TGFBR2: variants seen among roughly 807,000 people sequenced by gnomAD.
TGFBR2 encodes TGF-beta receptor type-2.
Under a neutral mutation model 49.0 loss-of-function variants are expected in TGFBR2, and 18 were observed. That is an observed-to-expected ratio of 0.37 (90% CI 0.25 to 0.54). The LOEUF is 0.54. Among genes scored for constraint, TGFBR2 ranks in the 20% least tolerant of loss-of-function variants. The pLI is 0.85. For missense variants in TGFBR2, 525 were observed against 722.6 expected (o/e 0.73, Z 3.13); for synonymous variants, 282 against 275.9 (o/e 1.02, Z -0.22).
At chr3:30,671,562 A>G in intron 3 of TGFBR2, 76 bp from the exon 4 acceptor site, 8 of 1,427,148 alleles carry the variant, frequency 5.6e-6, no homozygotes, top group Non-Finnish European at 7.9e-6. Flanking sequence ...ATAGATGCTC[A>G]GGCATGAACC....
At chr3:30,661,142 T>A (rs1699118913) in intron 3 of TGFBR2, among the ~76,000 whole-genome samples, 1 of 152,158 alleles carries the variant, frequency 6.6e-6, no homozygotes, top group African/African-American at 2.4e-5. Context: ...CAAGGTGTAA[T>A]TCAGACAGCC....
intron 1 of TGFBR2, among the ~76,000 whole-genome samples, chr3:30,621,817 G>T (rs1205335985): frequency 6.6e-6 from 1 of 152,172 alleles, no homozygotes. Context: ...GTTGTTATCA[G>T]TTTATTACTG....
At chr3:30,636,649 A>G (rs953043928) in intron 1 of TGFBR2, among the ~76,000 whole-genome samples, 1 of 152,176 alleles carries the variant, frequency 6.6e-6, no homozygotes, top group African/African-American at 2.4e-5. Context: ...TTTTCCTTTT[A>G]CAGGGCCAAA....
chr3:30,646,037 ATGTTT>A (rs1414126256), intron 2 of TGFBR2, among the ~76,000 whole-genome samples: 1 of 152,320 alleles, frequency 6.6e-6, no homozygotes, highest in African/African-American at 2.4e-5. Context: ...ACTTATTCTG[ATGTTT>A]TTAATTTATT....
chr3:30,679,892 C>T (rs530745402), intron 5 of TGFBR2, among the ~76,000 whole-genome samples: 3 of 152,284 alleles, frequency 2.0e-5, no homozygotes, highest in African/African-American at 7.2e-5. Context: ...CTTTGGGATG[C>T]TGAGGAAGGC....
chr3:30,659,946 C>A (rs999031768), intron 3 of TGFBR2, among the ~76,000 whole-genome samples: 1 of 152,010 alleles, frequency 6.6e-6, no homozygotes, highest in African/African-American at 2.4e-5. Flanking sequence ...TTTCCACCCA[C>A]GTATACTCCA....
At chr3:30,616,269 A>G (rs2125447559) in intron 1 of TGFBR2, among the ~76,000 whole-genome samples, 1 of 152,300 alleles carries the variant, frequency 6.6e-6, no homozygotes, top group South Asian at 2.1e-4. Flanking sequence ...AGAGACTGAA[A>G]TCTGCATTGT....
At chr3:30,679,435 CAG>C (rs1332520677) in intron 5 of TGFBR2, among the ~76,000 whole-genome samples, 1 of 152,156 alleles carries the variant, frequency 6.6e-6, no homozygotes, top group Non-Finnish European at 1.5e-5. Flanking sequence ...AAAACATAAA[CAG>C]ATGATAATAG....
intron 3 of TGFBR2, among the ~76,000 whole-genome samples, chr3:30,663,037 C>T (rs1047707770): frequency 2.0e-5 from 3 of 152,176 alleles, no homozygotes; most frequent in African/African-American, 7.2e-5. Flanking sequence ...GACTGCTGGT[C>T]TGCGGGCACA....
chr3:30,632,923 C>G (rs563108691), intron 1 of TGFBR2, among the ~76,000 whole-genome samples: 2 of 152,300 alleles, frequency 1.3e-5, no homozygotes, highest in Admixed American at 6.5e-5. Flanking sequence ...TTATATATGT[C>G]TCCTAAAATA....
chr3:30,657,967 G>C (rs1699039015), intron 3 of TGFBR2, among the ~76,000 whole-genome samples: 1 of 152,182 alleles, frequency 6.6e-6, no homozygotes, highest in African/African-American at 2.4e-5. Flanking sequence ...TGATCTTAAG[G>C]ACACTTTGAA....
intron 2 of TGFBR2, among the ~76,000 whole-genome samples, chr3:30,647,836 C>T (rs1004669103): frequency 3.3e-5 from 5 of 152,010 alleles, no homozygotes; most frequent in African/African-American, 9.7e-5. Context: ...ACCACCATCA[C>T]GTGGCTAATT....
intron 6 of TGFBR2, 48 bp downstream of exon 6, chr3:30,688,559 C>T (rs1559472463): frequency 1.2e-6 from 2 of 1,612,284 alleles, no homozygotes; most frequent in Non-Finnish European, 1.7e-6. Context: ...ACCAAGTTGC[C>T]TCTTAGGTGG....
In TGFBR2 at chr3:30,691,417, C is replaced by T. The variant is rs774254584; in HGVS notation, c.1525-3C>T. 1.9e-6 allele frequency: 3 copies of T among 1,613,964 alleles called. No homozygotes were observed. In the South Asian group the frequency reaches 3.3e-5, roughly 18 times the overall value. On this transcript the variant is annotated splice_polypyrimidine_tract_variant and splice_region_variant and intron_variant, in intron 6 of 6. Transcript: ENST00000295754. ...TGCCCTTTGGATCTCTTTCCCGCTA[C>T]AGGGCATCCAGATGGTGTGTGAGAC...
chr3:30,614,226 A>G (rs1315908349), intron 1 of TGFBR2, among the ~76,000 whole-genome samples: 1 of 141,810 alleles, frequency 7.1e-6, no homozygotes, highest in East Asian at 2.1e-4. Flanking sequence ...TTTTCCTCCT[A>G]TTGTAAATAT....
intron 3 of TGFBR2, among the ~76,000 whole-genome samples, chr3:30,652,192 T>A (rs1418053086): frequency 6.6e-6 from 1 of 150,830 alleles, no homozygotes; most frequent in Non-Finnish European, 1.5e-5. Flanking sequence ...CTCATCCTCA[T>A]CCTGTAAATG....
At chr3:30,689,624 G>T (rs1378571015) in intron 6 of TGFBR2, among the ~76,000 whole-genome samples, 2 of 152,188 alleles carry the variant, frequency 1.3e-5, no homozygotes, top group Non-Finnish European at 2.9e-5. Flanking sequence ...TGGCGAGGGG[G>T]AACCAGGCTG....
At chr3:30,655,122 G>A (rs962058608) in intron 3 of TGFBR2, among the ~76,000 whole-genome samples, 1 of 152,180 alleles carries the variant, frequency 6.6e-6, no homozygotes, top group Non-Finnish European at 1.5e-5. Flanking sequence ...TGAGGATTGA[G>A]TAGATTAATG....
At chr3:30,680,209 G>A (rs1399563093) in intron 5 of TGFBR2, among the ~76,000 whole-genome samples, 3 of 147,868 alleles carry the variant, frequency 2.0e-5, no homozygotes, top group Admixed American at 7.1e-5. Context: ...CATCCTGGCA[G>A]TAGATATGAA....
Sources: allele counts gnomAD v4.1 joint callset (sites outside exome capture counted in the v4.1 genomes callset), GRCh38; gene constraint gnomAD v4.1.1; transcripts MANE v1.5; gene names NCBI Gene and HGNC (gene_info 2026-07-23, HGNC 2026-07-21).